The following ZFYVE19 variants were observed in gnomAD, a reference collection of about 807,000 sequenced individuals.
ZFYVE19 encodes abscission/NoCut checkpoint regulator.
Under a neutral mutation model 62.8 loss-of-function variants are expected in ZFYVE19, and 49 were observed. The ratio of observed to expected loss-of-function variants is 0.78; its 90% confidence interval spans 0.62 to 0.99. The LOEUF is 0.99. Among genes scored for constraint, ZFYVE19 ranks in the 50% least tolerant of loss-of-function variants. ZFYVE19 has a pLI of 0.00. For synonymous variants in ZFYVE19, 242 were observed against 234.3 expected, an observed-to-expected ratio of 1.03 and a Z score of -0.30; for missense variants, 630 against 601.9, an observed-to-expected ratio of 1.05 and a Z score of -0.49.
Position 40,809,180 on chromosome 15 carries a change from T to C in ZFYVE19, c.341T>C (p.Val114Ala). 6.2e-7 allele frequency: 1 copy of C among 1,614,172 alleles called. No homozygotes were observed. Among genetic ancestry groups the C allele is most frequent in the East Asian group, 2.2e-5 (1 of 44,880 alleles). ...GGCTGCCTAAGCTTCAGTGCAGCAGTGCCTCGGACTGGGAACACCCAACAG... is the reference window on the plus strand; with the variant it reads ...GGCTGCCTAAGCTTCAGTGCAGCAGCGCCTCGGACTGGGAACACCCAACAG... ...CSGCLSFSAA[V>A]PRTGNTQQKV... The change falls in exon 2 of 11, where the codon GTG becomes GCG. Residue 114 changes from valine (V) to alanine (A), a missense_variant. Physicochemically the swap from Val to Ala is moderately conservative, Grantham distance 64. Coordinates refer to ENST00000355341, the MANE Select transcript of ZFYVE19 (RefSeq NM_001077268.2).
In ZFYVE19 at chr15:40,813,575, T is replaced by C. The variant is rs747829697; in HGVS notation, c.1111-138T>C. On this transcript the variant is annotated intron_variant, in intron 8 of 10. Coordinates refer to ENST00000355341, the MANE Select transcript of ZFYVE19 (RefSeq NM_001077268.2). Reference sequence around the variant, plus strand: ...AGACCTGCCCACTGGTCCCTGGAGATAGGGAATCAGCAGCCACAGGCCACA... The same window carrying C: ...AGACCTGCCCACTGGTCCCTGGAGACAGGGAATCAGCAGCCACAGGCCACA... The C allele has an allele frequency of 5.3e-6, 6 of 1,131,402 alleles. No individual in the cohort carries two copies. The Admixed American group carries it at 9.7e-5, about 18-fold the overall frequency. 70.1% of individuals were successfully genotyped at this position (1,131,402 alleles called of 1,614,324 possible). A position where few individuals can be genotyped will look rare whatever the true frequency, so the allele number is the denominator to read the frequency against.
intron 5 of ZFYVE19, 126 bp downstream of exon 5, chr15:40,810,342 C>T (rs1434449530): frequency 5.6e-6 from 8 of 1,439,252 alleles, no homozygotes; most frequent in Non-Finnish European, 7.4e-6. Flanking sequence ...ATTGCAAAAA[C>T]CTCAGTTACT....
intron 6 of ZFYVE19, 68 bp downstream of exon 6, chr15:40,810,825 G>GTCCA: frequency 6.5e-7 from 1 of 1,532,242 alleles, no homozygotes; most frequent in East Asian, 2.5e-5. Flanking sequence ...AGGCTCTGCT[G>GTCCA]TCCACCCTCT....
chr15:40,808,167 C>T, intron 1 of ZFYVE19: 2 of 1,378,882 alleles, frequency 1.5e-6, no homozygotes, highest in Non-Finnish European at 1.9e-6. Flanking sequence ...TGGCGGTTTT[C>T]TTCTCTCCAC....
intron 3 of ZFYVE19, 87 bp from the exon 4 acceptor site, chr15:40,809,765 G>T: frequency 7.0e-7 from 1 of 1,430,576 alleles, no homozygotes; most frequent in South Asian, 1.2e-5. Context: ...GCCCAGAAAT[G>T]ATTTGATTTG....
intron 6 of ZFYVE19, 118 bp downstream of exon 6, chr15:40,810,875 G>C (rs1468893129): frequency 1.3e-5 from 17 of 1,334,080 alleles, no homozygotes; most frequent in Non-Finnish European, 1.6e-5. Context: ...AACGTTATAA[G>C]AGTTACCATT....
In ZFYVE19 at chr15:40,807,625, G is replaced by C; in HGVS notation, c.36G>C (p.Pro12=). 1 of 1,612,972 alleles carries C rather than the reference G, an allele frequency of 6.2e-7. No homozygotes were observed. Among genetic ancestry groups the C allele is most frequent in the Non-Finnish European group, 8.5e-7 (1 of 1,179,664 alleles). The change falls in exon 1 of 11, where the codon CCG becomes CCC. Residue 12 remains proline (P), a synonymous_variant. Transcript: ENST00000355341. ...NYDSQQPPLP[P]LPYAGCRRAS... ...ACTCCCAGCAGCCCCCGTTGCCGCC[G>C]CTGCCGTACGCTGGCTGCAGGAGAG...
chr15:40,813,349 G>T lies in ZFYVE19; in HGVS notation c.1042G>T (p.Asp348Tyr). 1 of 1,613,364 alleles carries T rather than the reference G, an allele frequency of 6.2e-7. No homozygotes were observed. ...GQDPERVTLQ[D>Y]YRLPDSDDDE... ...TCTCCCTCTTCAAGTGACCCTCCAGGACTATCGCCTCCCAGACAGTGATGA... is the reference window on the plus strand; with the variant it reads ...TCTCCCTCTTCAAGTGACCCTCCAGTACTATCGCCTCCCAGACAGTGATGA... The change falls in exon 8 of 11, where the codon GAC becomes TAC. Residue 348 changes from aspartate to tyrosine, a missense_variant. Transcript: ENST00000355341.
chr15:40,808,987 C>T, intron 1 of ZFYVE19, 132 bp from the exon 2 acceptor site: 1 of 1,388,950 alleles, frequency 7.2e-7, no homozygotes, highest in South Asian at 1.3e-5. Context: ...CCTTAGGGGC[C>T]CCACTCCTCT....
chr15:40,808,993 C>T (rs1041779453), intron 1 of ZFYVE19, 126 bp from the exon 2 acceptor site: 2 of 1,450,932 alleles, frequency 1.4e-6, no homozygotes, highest in Middle Eastern at 1.8e-4. Context: ...GGGCCCCACT[C>T]CTCTTCTTCC....
chr15:40,807,616 GT>G lies in ZFYVE19; in HGVS notation c.29del (p.Leu10CysfsTer18). 6.2e-7 allele frequency: 1 copy of G among 1,612,828 alleles called. No homozygotes were observed. Among genetic ancestry groups the G allele is most frequent in the East Asian group, 2.2e-5 (1 of 44,878 alleles). On this transcript the variant is annotated frameshift_variant, in exon 1 of 11. Transcript: ENST00000355341. LOFTEE classifies it high-confidence loss of function. MNYDSQQPPLPPLPYAGCRR... is the reference protein window; with the variant it reads MNYDSQQPPXPPLPYAGCRR... Reference sequence around the variant, plus strand: ...TGAACTACGACTCCCAGCAGCCCCCGTTGCCGCCGCTGCCGTACGCTGGCTG... The same window carrying G: ...TGAACTACGACTCCCAGCAGCCCCCGTGCCGCCGCTGCCGTACGCTGGCTG...
Position 40,810,939 on chromosome 15 carries a change from G to A in ZFYVE19, c.826+182G>A, listed in dbSNP as rs369798183. 8 of 704,862 alleles carry A rather than the reference G, an allele frequency of 1.1e-5. No individual in the cohort carries two copies. In the Admixed American group the frequency reaches 1.6e-4, roughly 14 times the overall value. 43.7% of individuals were successfully genotyped at this position (704,862 alleles called of 1,614,324 possible). ...GTGTAAGCCTAGTGTTTAAGTGCAC[G>A]GGCTTTAGAATCAGACAGTGATTCC... On this transcript the variant is annotated intron_variant, in intron 6 of 10. Transcript: ENST00000355341.
chr15:40,812,881 C>G lies in ZFYVE19; in HGVS notation c.1009C>G (p.Arg337Gly), dbSNP rs751225374. 2.5e-6 allele frequency: 4 copies of G among 1,612,064 alleles called. No homozygotes were observed. The highest frequency in any genetic ancestry group is 4.5e-5 in the East Asian group (2 of 44,890). ...CCTGGCCAAGCGACTAGCCATGCTG[C>G]GGGGACAGGACCCCGAGAGAGGTGA... ...LALAKRLAML[R>G]GQDPERVTLQ... The change falls in exon 7 of 11, where the codon CGG (arginine) becomes GGG (glycine). Residue 337 changes from arginine (R) to glycine (G), a missense_variant. Arg to Gly is a moderately radical substitution (Grantham distance 125, BLOSUM62 -2). Coordinates refer to ENST00000355341, the MANE Select transcript of ZFYVE19 (RefSeq NM_001077268.2).
At position 40,810,750 on chromosome 15, in the gene ZFYVE19, A is replaced by C. The variant is rs376481745; in HGVS notation, c.819A>C (p.Gly273=). The change falls in exon 6 of 11, where the codon GGA becomes GGC. Residue 273 remains glycine (G), a synonymous_variant. Transcript: ENST00000355341. ...EVAIDESWKG[G]GPAASLQNDL... ...CTATCGATGAAAGCTGGAAAGGAGG[A>C]GGCCCAGGTAACCCCTCCACTTGGC... 7.1e-4 allele frequency: 1,099 copies of C among 1,558,852 alleles called. 2 individuals are homozygous for C. The highest frequency in any genetic ancestry group is 8.8e-4 in the Non-Finnish European group (1,012 of 1,150,898).
chr15:40,809,213 GC>G lies in ZFYVE19; in HGVS notation c.375del (p.Cys125Ter). On this transcript the variant is annotated frameshift_variant, in exon 2 of 11. Coordinates refer to ENST00000355341, the MANE Select transcript of ZFYVE19 (RefSeq NM_001077268.2). LOFTEE classifies it high-confidence loss of function. ...PRTGNTQQKV[C>X]KQCHEVLTRG... ...ACTGGGAACACCCAACAGAAAGTCT[GC>G]AAGCAATGCCATGAGGTCCTGACCA... 6.2e-7 allele frequency: 1 copy of G among 1,614,230 alleles called. No homozygotes were observed. Among genetic ancestry groups the G allele is most frequent in the South Asian group, 1.1e-5 (1 of 91,082 alleles).
At position 40,807,726 on chromosome 15, in the gene ZFYVE19, A is replaced by G. The variant is rs764749882; in HGVS notation, c.137A>G (p.Glu46Gly). The G allele has an allele frequency of 6.3e-7, 1 of 1,598,768 alleles. No individual in the cohort carries two copies. The highest frequency in any genetic ancestry group is 1.1e-5 in the South Asian group (1 of 89,412). Residue 46 changes from glutamate to glycine, a missense_variant, in exon 1 of 11, where the codon GAA becomes GGA. Glu to Gly is a moderately conservative substitution (Grantham distance 98, BLOSUM62 -2). Transcript: ENST00000355341. The part of the protein sequence containing the change: ...GVWGGAGQGR[E>G]GRSWGEGPRG... ...TGGGGCGGGGCAGGGCAGGGAAGGG[A>G]AGGGCGGAGCTGGGGTGAGGGTCCA...
At chr15:40,807,914 G>A (rs777557006) in intron 1 of ZFYVE19, 46 bp downstream of exon 1, 47 of 1,553,276 alleles carry the variant, frequency 3.0e-5, no homozygotes, top group Non-Finnish European at 3.7e-5. Context: ...GAGGAGAGGA[G>A]GGAAAAGCGC....
At position 40,807,853 on chromosome 15, in the gene ZFYVE19, C is replaced by G; in HGVS notation, c.264C>G (p.Thr88=). 1 of 1,535,462 alleles carries G rather than the reference C, an allele frequency of 6.5e-7. No homozygotes were observed. The highest frequency in any genetic ancestry group is 8.7e-7 in the Non-Finnish European group (1 of 1,148,888). ...SRCYGCAVKF[T]LFKKEYGCKN... is the part of the protein sequence containing the mutation. ...GCTACGGCTGCGCTGTCAAGTTCAC[C>G]CTCTTCAAGAAGGAGGCGAGTCTTC... The change falls in exon 1 of 11, where the codon ACC becomes ACG. Residue 88 remains threonine (T), a synonymous_variant. Coordinates refer to ENST00000355341, the MANE Select transcript of ZFYVE19 (RefSeq NM_001077268.2).
At position 40,814,233 on chromosome 15, in the gene ZFYVE19, C is replaced by T; in HGVS notation, c.*7C>T. ...TGCAGGCCAAGAGCACTGAAGACACCCTGGTCCTCCCGGAAGGGCAGTCCC... is the reference window on the plus strand; with the variant it reads ...TGCAGGCCAAGAGCACTGAAGACACTCTGGTCCTCCCGGAAGGGCAGTCCC... On this transcript the variant is annotated 3_prime_UTR_variant, in exon 11 of 11. Coordinates refer to ENST00000355341, the MANE Select transcript of ZFYVE19 (RefSeq NM_001077268.2). The T allele has an allele frequency of 6.2e-7, 1 of 1,614,062 alleles. No homozygotes were observed. The highest frequency in any genetic ancestry group is 8.5e-7 in the Non-Finnish European group (1 of 1,180,028).
Sources: gnomAD v4.1 joint callset for allele counts on GRCh38, gnomAD v4.1.1 for gene constraint, MANE v1.5 for transcripts, NCBI Gene and HGNC (gene_info 2026-07-23, HGNC 2026-07-21) for gene names.